Variants in PDE11A observed in about 807,000 individuals in gnomAD.
PDE11A encodes the protein phosphodiesterase 11A.
Under a neutral mutation model 100.5 loss-of-function variants are expected in PDE11A, and 100 were observed. The ratio of observed to expected loss-of-function variants is 1.00; its 90% CI spans 0.85 to 1.18. The LOEUF (loss-of-function observed/expected upper bound fraction) is 1.18. PDE11A is among the 50% of genes most tolerant of loss of function. PDE11A has a pLI of 0.00. For missense variants in PDE11A, 1,141 were observed against 1,152.6 expected (o/e 0.99, Z 0.15); for synonymous variants, 381 against 420.8 (o/e 0.91, Z 1.16).
At chr2:177,951,272 G>A (rs2085501545) in intron 2 of PDE11A, among the ~76,000 whole-genome samples, 1 of 152,246 alleles carries the variant, frequency 6.6e-6, no homozygotes, top group Non-Finnish European at 1.5e-5. Flanking sequence ...GGCAATTTTA[G>A]TTGCCTGGCT....
At chr2:178,073,126 G>A (rs2087160963), upstream of PDE11A, 3 of 950,086 alleles carry the variant, frequency 3.2e-6, no homozygotes, top group Non-Finnish European at 3.8e-6. Context: ...TACAAGTGTT[G>A]ATGTTTTGCA....
At chr2:177,785,885 A>G (rs1261440258) in intron 9 of PDE11A, among the ~76,000 whole-genome samples, 2 of 152,238 alleles carry the variant, frequency 1.3e-5, no homozygotes, top group Non-Finnish European at 2.9e-5. Context: ...GCAGCCAGAA[A>G]GCTTGAACTG....
chr2:177,725,202 T>C (rs976096023), intron 12 of PDE11A, among the ~76,000 whole-genome samples: 1 of 152,110 alleles, frequency 6.6e-6, no homozygotes, highest in Admixed American at 6.6e-5. Context: ...TAAATTTATT[T>C]TTAGCTACAC....
intron 19 of PDE11A, among the ~76,000 whole-genome samples, chr2:177,637,074 G>A (rs968552967): frequency 1.2e-4 from 18 of 152,228 alleles, no homozygotes; most frequent in African/African-American, 4.3e-4. Flanking sequence ...AATAAGAGGA[G>A]TTTCTATATA....
intron 1 of PDE11A, among the ~76,000 whole-genome samples, chr2:178,064,985 C>T (rs557688223): frequency 6.6e-6 from 1 of 151,894 alleles, no homozygotes; most frequent in East Asian, 1.9e-4. Flanking sequence ...ATGAAAAAAA[C>T]CTCAGGAATT....
At chr2:177,968,325 A>G (rs1314529928) in intron 2 of PDE11A, among the ~76,000 whole-genome samples, 1 of 152,224 alleles carries the variant, frequency 6.6e-6, no homozygotes, top group African/African-American at 2.4e-5. Context: ...CAAAGCAATA[A>G]AATAATTTGT....
intron 6 of PDE11A, among the ~76,000 whole-genome samples, chr2:177,836,268 A>G: frequency 6.6e-6 from 1 of 152,208 alleles, no homozygotes; most frequent in African/African-American, 2.4e-5. Context: ...TCTAGTGGGG[A>G]CTTGGAGAAC....
chr2:177,774,881 G>A (rs1172701981), intron 9 of PDE11A, among the ~76,000 whole-genome samples: 1 of 152,160 alleles, frequency 6.6e-6, no homozygotes, highest in Admixed American at 6.5e-5. Context: ...AGGAACTGAG[G>A]TTGCAGATGG....
chr2:177,831,786 T>G (rs2083312470), intron 6 of PDE11A, among the ~76,000 whole-genome samples: 1 of 152,250 alleles, frequency 6.6e-6, no homozygotes, highest in Non-Finnish European at 1.5e-5. Flanking sequence ...TCTATTATAT[T>G]AAACCACAGA....
At chr2:177,739,334 A>G (rs1274403614) in intron 10 of PDE11A, among the ~76,000 whole-genome samples, 1 of 152,192 alleles carries the variant, frequency 6.6e-6, no homozygotes, top group Non-Finnish European at 1.5e-5. Flanking sequence ...TGGCAATAGT[A>G]GGCTACCTTG....
At chr2:177,982,328 T>C (rs1489116949) in intron 2 of PDE11A, among the ~76,000 whole-genome samples, 2 of 150,906 alleles carry the variant, frequency 1.3e-5, no homozygotes, top group Non-Finnish European at 3.0e-5. Flanking sequence ...CATTAATTTC[T>C]ATTTCTTCAT....
intron 1 of PDE11A, among the ~76,000 whole-genome samples, chr2:178,046,083 A>AT (rs1291252046): frequency 2.6e-5 from 4 of 152,350 alleles, no homozygotes; most frequent in African/African-American, 9.6e-5. Context: ...CACATGTAAA[A>AT]TGTAGGAAGT....
At position 178,071,782 on chromosome 2, in the gene PDE11A, G is replaced by A. The variant is rs2087135014; in HGVS notation, c.656C>T (p.Thr219Ile). 1.9e-6 allele frequency: 3 copies of A among 1,613,320 alleles called. No individual in the cohort carries two copies. The highest frequency in any genetic ancestry group is 1.3e-5 in the African/African-American group (1 of 74,894). The change falls in exon 1 of 20, where the codon ACC (threonine) becomes ATC (isoleucine). Residue 219 changes from threonine (T) to isoleucine (I), a missense_variant. Thr to Ile is a moderately conservative substitution (Grantham distance 89). Transcript: ENST00000286063. The stretch of plus-strand genomic sequence containing the variant: ...GATGAGAATCTTGTAGCTCAGGCTG[G>A]TGAGGTCAAGGTCATTGGAGATATC... ...VKDISNDLDL[T>I]SLSYKILIFV...
intron 2 of PDE11A, among the ~76,000 whole-genome samples, chr2:177,930,903 C>G (rs1001015727): frequency 6.6e-6 from 1 of 152,192 alleles, no homozygotes; most frequent in African/African-American, 2.4e-5. Flanking sequence ...GTCTCTGAAC[C>G]TTAATTAGAA....
chr2:177,703,343 A>ATGTGTAACATG (rs528361633), intron 13 of PDE11A, among the ~76,000 whole-genome samples: 91 of 152,334 alleles, frequency 6.0e-4, no homozygotes, highest in East Asian at 4.1e-3. Flanking sequence ...AACAGGGCTC[A>ATGTGTAACATG]GAGAAGTTAA....
intron 4 of PDE11A, among the ~76,000 whole-genome samples, chr2:177,877,589 A>G (rs2084262054): frequency 6.6e-6 from 1 of 152,192 alleles, no homozygotes; most frequent in Non-Finnish European, 1.5e-5. Context: ...TGATATGCGA[A>G]TAATATTCTC....
In PDE11A at chr2:177,996,757, A is replaced by T. The variant is rs1001889958; in HGVS notation, c.1071+17545T>A. Among the ~76,000 whole-genome samples the T allele has an allele frequency of 3.9e-5, 6 of 152,296 alleles. No homozygotes were observed. In the South Asian group the frequency reaches 1.2e-3, roughly 32 times the overall value. ...TAAACAATGAAAACAAAATGTTAAGATTTACAGTTACCCTTCTCCATATAT... is the reference window on the plus strand; with the variant it reads ...TAAACAATGAAAACAAAATGTTAAGTTTTACAGTTACCCTTCTCCATATAT... On this transcript the variant is annotated intron_variant, in intron 2 of 19. Coordinates refer to ENST00000286063, the MANE Select transcript of PDE11A (RefSeq NM_016953.4).
chr2:177,848,276 G>A (rs2083637170), intron 5 of PDE11A, among the ~76,000 whole-genome samples: 1 of 152,084 alleles, frequency 6.6e-6, no homozygotes, highest in African/African-American at 2.4e-5. Context: ...AAAAACAGCA[G>A]ACAGTAAAAA....
chr2:178,057,891 T>C (rs997096529), intron 1 of PDE11A, among the ~76,000 whole-genome samples: 5 of 152,192 alleles, frequency 3.3e-5, no homozygotes, highest in South Asian at 4.2e-4. Context: ...GGAGTCTCAC[T>C]CTATCACCCA....
Sources: allele counts gnomAD v4.1 joint callset (sites outside exome capture counted in the v4.1 genomes callset), GRCh38; gene constraint gnomAD v4.1.1; transcripts MANE v1.5; gene names NCBI Gene and HGNC (gene_info 2026-07-23, HGNC 2026-07-21).